Variants in NLRP1 observed in about 807,000 individuals in gnomAD.
The protein encoded by NLRP1 is NACHT, LRR and PYD domains-containing protein 1.
NLRP1 carries 94 observed loss-of-function variants against 136.7 expected under a neutral mutation model. That is an observed-to-expected ratio of 0.69 (90% CI 0.58 to 0.82). NLRP1 has a LOEUF of 0.82. Ranked by LOEUF, NLRP1 falls within the 40% of genes least tolerant of loss-of-function variation. The probability of loss-of-function intolerance (pLI) is 0.00; values close to 1 mark genes in which losing one functional copy is unlikely to be tolerated. For missense variants in NLRP1, 1,575 were observed against 1,802.7 expected (o/e 0.87, Z 2.29); for synonymous variants, 690 against 725.1 (o/e 0.95, Z 0.78).
At chr17:5,528,041 T>C (rs1479728376) in intron 12 of NLRP1, among the ~76,000 whole-genome samples, 1 of 152,226 alleles carries the variant, frequency 6.6e-6, no homozygotes, top group Non-Finnish European at 1.5e-5. Flanking sequence ...TGCATGAGGT[T>C]TCTCCTGGAA....
chr17:5,510,366 GT>G (rs1038391459), downstream of NLRP1, among the ~76,000 whole-genome samples: 29 of 146,304 alleles, frequency 2.0e-4, no homozygotes, highest in Admixed American at 2.7e-4. Context: ...AAAAAAACTG[GT>G]TTTTTTTTTT....
rs565478572 is a variant in NLRP1 at position 5,541,337 on chromosome 17, C to T, written c.2699+520G>A. On this transcript the variant is annotated intron_variant, in intron 6 of 16. Coordinates refer to ENST00000572272, the MANE Select transcript of NLRP1 (RefSeq NM_033004.4). This position sits in a 1 kb window ranked among gnomAD's most constrained non-coding sequence, Gnocchi z 4.2. ...CTGGGATGACAGGCATGAGCCAGGG[C>T]GCCTCACTTGTTTCTACATGGTGGC... Among the ~76,000 whole-genome samples, 28 of 152,212 alleles carry T rather than the reference C, an allele frequency of 1.8e-4. No individual in the cohort carries two copies. Among genetic ancestry groups the T allele is most frequent in the Non-Finnish European group, 2.5e-4 (17 of 68,010 alleles).
In NLRP1 at chr17:5,514,912, T is replaced by G; in HGVS notation, c.4264A>C (p.Arg1422=). ...AACAGCTTCCGCATCTGGCTGGGCC[T>G]CGTGTTCTCAGCCAGCACCCTCTCG... is the stretch of plus-strand genomic sequence containing the variant. ...QYERVLAENT[R]PSQMRKLFSL... The change falls in exon 17 of 17, where the codon AGG becomes CGG. Residue 1422 remains arginine, a synonymous_variant. Transcript: ENST00000572272. The G allele has an allele frequency of 6.2e-7, 1 of 1,614,162 alleles. No homozygotes were observed. Among genetic ancestry groups the G allele is most frequent in the Non-Finnish European group, 8.5e-7 (1 of 1,180,026 alleles).
At chr17:5,576,374 G>A (rs1239926710) in intron 3 of NLRP1, among the ~76,000 whole-genome samples, 12 of 152,100 alleles carry the variant, frequency 7.9e-5, no homozygotes, top group African/African-American at 1.7e-4. Context: ...TTGATAGACC[G>A]CTAGCAAGAC....
chr17:5,558,877 T>C lies in NLRP1; in HGVS notation c.1819A>G (p.Met607Val), dbSNP rs1198037478. The stretch of plus-strand genomic sequence containing the variant: ...ATGGGGTGCTCTTGAAGAATACCCA[T>C]CTTCAAGAAGGTGGAGATGATGGCC... ...DGAIISTFLK[M>V]GILQEHPIPL... is the part of the protein sequence containing the mutation. The change falls in exon 4 of 17, where the codon ATG becomes GTG. Residue 607 changes from methionine (M) to valine (V), a missense_variant. Transcript: ENST00000572272. 5.6e-6 allele frequency: 9 copies of C among 1,613,936 alleles called. No individual in the cohort carries two copies. In the South Asian group the frequency reaches 7.7e-5, roughly 14 times the overall value.
At chr17:5,562,303 C>A (rs115618687) in intron 3 of NLRP1, among the ~76,000 whole-genome samples, 1 of 152,220 alleles carries the variant, frequency 6.6e-6, no homozygotes, top group African/African-American at 2.4e-5. Context: ...CAGGGAAGAG[C>A]CCTCATTCTC....
intron 4 of NLRP1, among the ~76,000 whole-genome samples, chr17:5,557,738 T>C (rs924025052): frequency 1.3e-5 from 2 of 151,796 alleles, no homozygotes; most frequent in African/African-American, 4.8e-5. Flanking sequence ...TGGAGAATGG[T>C]TGGAGGAAGC....
intron 7 of NLRP1, among the ~76,000 whole-genome samples, chr17:5,538,377 C>T (rs150402818): frequency 1.3e-5 from 2 of 152,202 alleles, no homozygotes; most frequent in African/African-American, 4.8e-5. Flanking sequence ...TCAAGTGCCT[C>T]TTTGTTCTGG....
rs1911610942 is a variant in NLRP1 at position 5,539,714 on chromosome 17, A to G, written c.2700-129T>C. 4 of 1,405,346 alleles carry G rather than the reference A, an allele frequency of 2.8e-6. No individual in the cohort carries two copies. In the East Asian group the frequency reaches 1.1e-4, roughly 38 times the overall value. 87.1% of individuals were successfully genotyped at this position (1,405,346 alleles called of 1,614,324 possible). On this transcript the variant is annotated intron_variant, in intron 6 of 16. Transcript: ENST00000572272. ...GTCTGGGATGACATGCAGAGAAGAT[A>G]CAAACTTTCCTGGCTTGCGGTAACC... is the stretch of plus-strand genomic sequence containing the variant.
rs537852717 is a variant in NLRP1, at chr17:5,575,696, G to A, written c.652+6163C>T. ...TAATGGGAGACTTTAACACCCCCCT[G>A]TCAACATTAGACAGATCAACGAGAC... On this transcript the variant is annotated intron_variant, in intron 3 of 16. Coordinates refer to ENST00000572272, the MANE Select transcript of NLRP1 (RefSeq NM_033004.4). Among the ~76,000 whole-genome samples, 8 of 152,260 alleles carry A rather than the reference G, an allele frequency of 5.3e-5. No individual in the cohort carries two copies. The East Asian group carries it at 1.3e-3, about 26-fold the overall frequency.
chr17:5,556,625 A>G (rs999462596), intron 4 of NLRP1, among the ~76,000 whole-genome samples: 4 of 132,028 alleles, frequency 3.0e-5, no homozygotes, highest in Admixed American at 7.9e-5. Context: ...ATTGACCACT[A>G]ATTTTTTTTT....
intron 12 of NLRP1, among the ~76,000 whole-genome samples, chr17:5,527,477 G>C (rs1909704436): frequency 6.6e-6 from 1 of 152,112 alleles, no homozygotes; most frequent in Admixed American, 6.5e-5. Context: ...GGACTGGGGA[G>C]GGGTAGGGGT....
chr17:5,543,276 T>C (rs1033871760), intron 5 of NLRP1, among the ~76,000 whole-genome samples: 1 of 152,158 alleles, frequency 6.6e-6, no homozygotes. Context: ...AATGAGTGAT[T>C]GCCAAGGCAG....
chr17:5,527,355 C>A (rs77672136), intron 12 of NLRP1, among the ~76,000 whole-genome samples: 1 of 152,176 alleles, frequency 6.6e-6, no homozygotes, highest in African/African-American at 2.4e-5. Flanking sequence ...GCCCACAGGC[C>A]GCAGGTTGTA....
rs1190699949 is a variant in NLRP1, at chr17:5,537,105, G to A, written c.2871-165C>T. On this transcript the variant is annotated intron_variant, in intron 7 of 16. Coordinates refer to ENST00000572272, the MANE Select transcript of NLRP1 (RefSeq NM_033004.4). This position sits in a 1 kb window ranked among gnomAD's most constrained non-coding sequence, Gnocchi z 4.5. ...GAGGGTACAGTGAGGAGATTCATTA[G>A]GGTGTGTTCTTGGGTCAATGCCAGG... 6.6e-6 allele frequency among the ~76,000 whole-genome samples: 1 copy of A among 152,236 alleles called. No individual in the cohort carries two copies. The highest frequency in any genetic ancestry group is 6.5e-5 in the Admixed American group (1 of 15,290).
At chr17:5,533,150 G>T in intron 10 of NLRP1, 154 bp downstream of exon 10, 2 of 1,448,734 alleles carry the variant, frequency 1.4e-6, no homozygotes, top group Non-Finnish European at 9.2e-7. Flanking sequence ...CCTGCTGTCT[G>T]GGGAGCCCCA....
Position 5,549,545 on chromosome 17 carries a change from G to T in NLRP1, c.2528+3841C>A, listed in dbSNP as rs538090811. 1.3e-4 allele frequency among the ~76,000 whole-genome samples: 20 copies of T among 152,248 alleles called. No individual in the cohort carries two copies. The South Asian group carries it at 4.1e-3, about 32-fold the overall frequency. On this transcript the variant is annotated intron_variant, in intron 5 of 16. Transcript: ENST00000572272. ...TCCACCCACCTCAGCCTCCCAAAGT[G>T]CTGGGATTACAGGGCATGAGCCACC...
Position 5,515,133 on chromosome 17 carries a change from T to C in NLRP1, c.4103-60A>G, listed in dbSNP as rs1490917950. On this transcript the variant is annotated intron_variant, in intron 16 of 16. Coordinates refer to ENST00000572272, the MANE Select transcript of NLRP1 (RefSeq NM_033004.4). Reference sequence around the variant, plus strand: ...CTCCACCTCCAATCCCCACCTTCAGTGCTTTCCTCTCTCATCTCTGCATCC... The same window carrying C: ...CTCCACCTCCAATCCCCACCTTCAGCGCTTTCCTCTCTCATCTCTGCATCC... 3.4e-6 allele frequency: 5 copies of C among 1,457,744 alleles called. No individual in the cohort carries two copies. In the Admixed American group the frequency reaches 8.9e-5, roughly 26 times the overall value. The allele number at this position is 1,457,744 out of a possible 1,614,324, so 90.3% of individuals were successfully genotyped here.
chr17:5,513,487 G>A (rs1026933780), downstream of NLRP1, among the ~76,000 whole-genome samples: 7 of 152,110 alleles, frequency 4.6e-5, no homozygotes, highest in East Asian at 1.9e-4. Context: ...TCAGGTGTTC[G>A]GACGGTTCAA....
Sources: gnomAD v4.1 joint callset for allele counts (sites outside exome capture counted in the v4.1 genomes callset) on GRCh38, gnomAD v4.1.1 for gene constraint, Gnocchi (gnomAD v3.1) non-coding constraint, MANE v1.5 for transcripts, NCBI Gene and HGNC (gene_info 2026-07-23, HGNC 2026-07-21) for gene names.